CCSER1: variants seen among roughly 807,000 people sequenced by gnomAD.
The protein encoded by CCSER1 is serine-rich coiled-coil domain-containing protein 1.
In CCSER1, 41 loss-of-function variants were observed where a neutral mutation model predicts 82.0. That is an observed-to-expected ratio of 0.50 (90% CI 0.39 to 0.65). The LOEUF (loss-of-function observed/expected upper bound fraction) is 0.65, where lower values mean the gene tolerates loss of function less well. CCSER1 is among the 30% of genes least tolerant of loss of function. The probability of loss-of-function intolerance (pLI) is 0.00; values close to 1 mark genes in which losing one functional copy is unlikely to be tolerated. For synonymous variants in CCSER1, 414 were observed against 383.9 expected, an observed-to-expected ratio of 1.08 and a Z score of -0.92; for missense variants, 1,119 against 1,064.2, an observed-to-expected ratio of 1.05 and a Z score of -0.72.
chr4:91,392,597 G>C (rs1229997342), intron 10 of CCSER1, among the ~76,000 whole-genome samples: 1 of 151,962 alleles, frequency 6.6e-6, no homozygotes, highest in Non-Finnish European at 1.5e-5. Context: ...TTGTATACTG[G>C]TTTGGGGGTT....
intron 5 of CCSER1, among the ~76,000 whole-genome samples, chr4:90,481,423 A>T (rs1430454953): frequency 6.6e-6 from 1 of 152,120 alleles, no homozygotes; most frequent in Non-Finnish European, 1.5e-5. Flanking sequence ...TAGGAGTGGT[A>T]AGAGAGGGCA....
intron 4 of CCSER1, among the ~76,000 whole-genome samples, chr4:90,404,330 G>T (rs1439195568): frequency 6.6e-6 from 1 of 152,092 alleles, no homozygotes; most frequent in East Asian, 1.9e-4. Flanking sequence ...CCAAGGAGAG[G>T]CTGAGCTCAG....
chr4:90,920,631 T>A (rs1400688151), intron 8 of CCSER1, among the ~76,000 whole-genome samples: 2 of 151,868 alleles, frequency 1.3e-5, no homozygotes, highest in East Asian at 3.9e-4. Context: ...TTAACTCTTT[T>A]GTACGTCCCC....
intron 5 of CCSER1, among the ~76,000 whole-genome samples, chr4:90,538,969 G>A (rs1775762004): frequency 6.6e-6 from 1 of 152,052 alleles, no homozygotes; most frequent in South Asian, 2.1e-4. Flanking sequence ...CTTGCATAAA[G>A]TTGCTGACAA....
At position 90,557,478 on chromosome 4, in the gene CCSER1, G is replaced by C. The variant is rs111463126; in HGVS notation, c.1725-70547G>C. ...TTTTGTTAGCTGTTTAGGAGCATTA[G>C]ACTGGTGGGTACACTTTTGTCTTTA... On this transcript the variant is annotated intron_variant, in intron 5 of 10. Coordinates refer to ENST00000509176, the MANE Select transcript of CCSER1 (RefSeq NM_001145065.2). Among the ~76,000 whole-genome samples, 70 of 152,162 alleles carry C rather than the reference G, an allele frequency of 4.6e-4. 1 individual carries two copies. Among genetic ancestry groups the C allele is most frequent in the African/African-American group, 1.6e-3 (65 of 41,552 alleles).
chr4:90,216,680 G>A (rs910265975), intron 1 of CCSER1, among the ~76,000 whole-genome samples: 2 of 152,062 alleles, frequency 1.3e-5, no homozygotes, highest in African/African-American at 4.8e-5. Context: ...TAGCATTATA[G>A]TATAGTTTGA....
chr4:90,640,931 A>G (rs1168293775), intron 6 of CCSER1, among the ~76,000 whole-genome samples: 5 of 152,108 alleles, frequency 3.3e-5, no homozygotes, highest in Non-Finnish European at 7.4e-5. Flanking sequence ...ATGAAAACAG[A>G]CTAATGCAAG....
At chr4:90,951,887 T>G (rs1309237519) in intron 9 of CCSER1, among the ~76,000 whole-genome samples, 1 of 152,008 alleles carries the variant, frequency 6.6e-6, no homozygotes, top group Non-Finnish European at 1.5e-5. Context: ...ATATTTTAGG[T>G]TAACAGATAT....
chr4:91,489,627 G>A (rs1422652368), intron 10 of CCSER1, among the ~76,000 whole-genome samples: 1 of 151,936 alleles, frequency 6.6e-6, no homozygotes, highest in African/African-American at 2.4e-5. Context: ...CAACAGGACA[G>A]AACCCCATCT....
chr4:90,711,438 G>T (rs530430384), intron 6 of CCSER1, among the ~76,000 whole-genome samples: 1 of 152,156 alleles, frequency 6.6e-6, no homozygotes, highest in South Asian at 2.1e-4. Flanking sequence ...TCCAGCTTTT[G>T]CCCATTTAGT....
At chr4:90,838,937 G>A (rs151072829) in intron 8 of CCSER1, 27 of 1,613,406 alleles carry the variant, frequency 1.7e-5, no homozygotes, top group Middle Eastern at 1.8e-4. Context: ...CTGTTCAATC[G>A]TTTCTTTGGA....
intron 8 of CCSER1, among the ~76,000 whole-genome samples, chr4:90,893,038 C>G (rs529293005): frequency 6.8e-4 from 103 of 152,140 alleles, no homozygotes; most frequent in African/African-American, 2.4e-3. Context: ...TTCTCAGGCA[C>G]CTACTTCGTT....
intron 10 of CCSER1, among the ~76,000 whole-genome samples, chr4:91,261,710 C>T (rs1255876446): frequency 7.2e-6 from 1 of 138,300 alleles, no homozygotes; most frequent in East Asian, 2.1e-4. Flanking sequence ...CTTCACCCCT[C>T]CACATGTAAC....
chr4:91,018,646 C>T (rs1739651260), intron 9 of CCSER1, among the ~76,000 whole-genome samples: 1 of 151,954 alleles, frequency 6.6e-6, no homozygotes, highest in Non-Finnish European at 1.5e-5. Context: ...TCTTGTGACG[C>T]TTCTAGTATG....
intron 9 of CCSER1, among the ~76,000 whole-genome samples, chr4:90,951,720 A>T (rs1022835531): frequency 2.0e-5 from 3 of 152,066 alleles, no homozygotes; most frequent in African/African-American, 7.2e-5. Flanking sequence ...CTTCCTAAAG[A>T]CACATTTTAA....
At chr4:90,350,679 T>G (rs1250633609) in intron 3 of CCSER1, among the ~76,000 whole-genome samples, 1 of 152,124 alleles carries the variant, frequency 6.6e-6, no homozygotes, top group Non-Finnish European at 1.5e-5. Flanking sequence ...AGCTACCATT[T>G]ATAATGGCAC....
intron 10 of CCSER1, among the ~76,000 whole-genome samples, chr4:91,115,678 C>A (rs1479563992): frequency 6.6e-6 from 1 of 151,614 alleles, no homozygotes. Context: ...AGGGTACATA[C>A]TAAAAAAAAT....
chr4:90,670,399 A>C (rs547535813), intron 6 of CCSER1, among the ~76,000 whole-genome samples: 1 of 152,240 alleles, frequency 6.6e-6, no homozygotes, highest in East Asian at 1.9e-4. Flanking sequence ...TTTTCACTGC[A>C]GTCTAGATTC....
chr4:91,418,499 A>G (rs1298073263), intron 10 of CCSER1, among the ~76,000 whole-genome samples: 1 of 151,936 alleles, frequency 6.6e-6, no homozygotes, highest in Non-Finnish European at 1.5e-5. Flanking sequence ...ATTTGTAGAA[A>G]CATGAAACCT....
Sources: gnomAD v4.1 joint callset for allele counts (sites outside exome capture counted in the v4.1 genomes callset) on GRCh38, gnomAD v4.1.1 for gene constraint, MANE v1.5 for transcripts, NCBI Gene and HGNC (gene_info 2026-07-23, HGNC 2026-07-21) for gene names.